Variants in HDAC9 observed in about 807,000 individuals in gnomAD.
HDAC9 encodes histone deacetylase 9.
In HDAC9, 41 loss-of-function variants were observed where a neutral mutation model predicts 139.4. The ratio of observed to expected loss-of-function variants is 0.29; its 90% CI spans 0.23 to 0.38. HDAC9 has a LOEUF of 0.38. HDAC9 is among the 10% of genes least tolerant of loss of function. The pLI is 1.00. For missense variants in HDAC9, 1,147 were observed against 1,297.0 expected, an observed-to-expected ratio of 0.88 and a Z score of 1.78; for synonymous variants, 517 against 476.2, an observed-to-expected ratio of 1.09 and a Z score of -1.12.
At chr7:18,625,888 A>T (rs571821703) in intron 6 of HDAC9, among the ~76,000 whole-genome samples, 1 of 140,816 alleles carries the variant, frequency 7.1e-6, no homozygotes, top group South Asian at 2.4e-4. Flanking sequence ...AGGTTGCAGC[A>T]GTGAGCCAAG....
intron 24 of HDAC9, among the ~76,000 whole-genome samples, chr7:18,964,014 C>A (rs970925822): frequency 6.6e-6 from 1 of 152,192 alleles, no homozygotes; most frequent in Admixed American, 6.5e-5. Context: ...CTAAGAAAAT[C>A]TCAACCCTGG....
At chr7:18,496,391 A>G (rs1205466687) in intron 2 of HDAC9, 67 bp downstream of exon 2, 12 of 1,374,256 alleles carry the variant, frequency 8.7e-6, no homozygotes, top group South Asian at 1.2e-5. Flanking sequence ...AAATGCAGCT[A>G]AGAAAAGCAC....
At position 18,987,781 on chromosome 7, in the gene HDAC9, C is replaced by T. The variant is rs570677853; in HGVS notation, c.3171-8242C>T. ...GTCTATTCAGAGATTCAACTTCTTC[C>T]TGGTTTAGTCTTGGGAGAGTGTATG... is the stretch of plus-strand genomic sequence containing the variant. On this transcript the variant is annotated intron_variant, in intron 25 of 25. Transcript: ENST00000686413. Among the ~76,000 whole-genome samples, 15 of 152,188 alleles carry T rather than the reference C, an allele frequency of 9.9e-5. No individual in the cohort carries two copies. In the South Asian group the frequency reaches 2.9e-3, roughly 29 times the overall value.
intron 16 of HDAC9, among the ~76,000 whole-genome samples, chr7:18,787,847 C>T (rs1008680569): frequency 1.3e-5 from 2 of 152,230 alleles, no homozygotes; most frequent in African/African-American, 4.8e-5. Flanking sequence ...TAGTGATCCT[C>T]TCCATAATTA....
At chr7:18,645,942 A>G (rs1421104602) in intron 9 of HDAC9, among the ~76,000 whole-genome samples, 3 of 152,168 alleles carry the variant, frequency 2.0e-5, no homozygotes, top group East Asian at 1.9e-4. Context: ...TCTTATACCA[A>G]TGAGGAAAAA....
chr7:18,877,852 G>C (rs551973753), intron 22 of HDAC9, among the ~76,000 whole-genome samples: 70 of 151,676 alleles, frequency 4.6e-4, no homozygotes, highest in Non-Finnish European at 5.7e-4. Context: ...TATATATTAA[G>C]TGTTTTCTGT....
chr7:18,113,227 C>T (rs1783746391), intron 1 of HDAC9, among the ~76,000 whole-genome samples: 1 of 152,056 alleles, frequency 6.6e-6, no homozygotes, highest in Admixed American at 6.6e-5. Flanking sequence ...AGAAAGATAT[C>T]AGTTAATTTA....
chr7:18,173,991 C>T (rs997691963), intron 2 of HDAC9, among the ~76,000 whole-genome samples: 2 of 152,188 alleles, frequency 1.3e-5, no homozygotes, highest in East Asian at 3.9e-4. Flanking sequence ...TGAATGTTGG[C>T]CTGTCTTGTT....
At chr7:18,392,438 TAGAC>T (rs899674135) in intron 1 of HDAC9, among the ~76,000 whole-genome samples, 8 of 146,208 alleles carry the variant, frequency 5.5e-5, no homozygotes, top group Admixed American at 2.8e-4. Context: ...GATAGATAGA[TAGAC>T]AGATATTCTT....
upstream of HDAC9, among the ~76,000 whole-genome samples, chr7:18,495,348 CAT>C (rs1796716636): frequency 6.6e-6 from 1 of 152,128 alleles, no homozygotes; most frequent in African/African-American, 2.4e-5. Context: ...TCCAAAAACA[CAT>C]ACTACAAAAA....
At chr7:18,962,532 G>A (rs747267787) in intron 24 of HDAC9, among the ~76,000 whole-genome samples, 23 of 152,092 alleles carry the variant, frequency 1.5e-4, no homozygotes, top group Non-Finnish European at 2.8e-4. Context: ...TTCCAACTGC[G>A]TCTGCAATTT....
chr7:18,297,818 C>T (rs1021152346), intron 1 of HDAC9, among the ~76,000 whole-genome samples: 1 of 152,146 alleles, frequency 6.6e-6, no homozygotes, highest in African/African-American at 2.4e-5. Flanking sequence ...TTCTTTGGTC[C>T]TACATTTCTT....
intron 21 of HDAC9, among the ~76,000 whole-genome samples, chr7:18,860,493 T>C (rs1311677322): frequency 6.6e-6 from 1 of 152,218 alleles, no homozygotes; most frequent in African/African-American, 2.4e-5. Context: ...ATGAGGATTA[T>C]GTTATTCTTT....
At chr7:18,391,916 C>G (rs116839981) in intron 1 of HDAC9, among the ~76,000 whole-genome samples, 2,285 of 152,258 alleles carry the variant, frequency 0.015, 62 homozygotes, top group African/African-American at 0.052. Flanking sequence ...GTAAGCATTG[C>G]CCATTATCAA....
At chr7:18,602,541 A>G (rs1834258084) in intron 6 of HDAC9, among the ~76,000 whole-genome samples, 1 of 151,634 alleles carries the variant, frequency 6.6e-6, no homozygotes, top group African/African-American at 2.4e-5. Flanking sequence ...GTGGAAGCTC[A>G]GATTATTCAA....
chr7:18,751,597 C>T (rs182552857), intron 14 of HDAC9, among the ~76,000 whole-genome samples: 88 of 151,704 alleles, frequency 5.8e-4, no homozygotes, highest in Admixed American at 3.4e-3. Flanking sequence ...TAACCTAAAC[C>T]AAACATGAAA....
chr7:18,885,677 A>T (rs1800090416), intron 22 of HDAC9, among the ~76,000 whole-genome samples: 1 of 152,204 alleles, frequency 6.6e-6, no homozygotes, highest in Admixed American at 6.5e-5. Flanking sequence ...ATCTCAAATA[A>T]ATATGTACGC....
intron 1 of HDAC9, among the ~76,000 whole-genome samples, chr7:18,347,866 T>C (rs1045901547): frequency 3.9e-5 from 6 of 152,130 alleles, no homozygotes; most frequent in African/African-American, 1.4e-4. Context: ...CACGAGCCAC[T>C]GCACCTGGCC....
At chr7:18,760,694 T>G (rs1199815952) in intron 14 of HDAC9, among the ~76,000 whole-genome samples, 1 of 152,202 alleles carries the variant, frequency 6.6e-6, no homozygotes, top group Non-Finnish European at 1.5e-5. Context: ...TAATGAGATT[T>G]TGCTTTAATC....
Sources: allele counts gnomAD v4.1 joint callset (sites outside exome capture counted in the v4.1 genomes callset), GRCh38; gene constraint gnomAD v4.1.1; transcripts MANE v1.5; gene names NCBI Gene and HGNC (gene_info 2026-07-23, HGNC 2026-07-21).